Variants in EBF2 observed in about 807,000 individuals in gnomAD.
The protein encoded by EBF2 is EBF transcription factor 2, also known as transcription factor COE2.
EBF2 carries 21 observed loss-of-function variants against 72.8 expected under a neutral mutation model. The ratio of observed to expected loss-of-function variants is 0.29; its 90% CI spans 0.20 to 0.42. The LOEUF (loss-of-function observed/expected upper bound fraction) is 0.42, where lower values mean the gene tolerates loss of function less well. Ranked by LOEUF, EBF2 falls within the 10% of genes least tolerant of loss-of-function variation. The pLI, the probability that EBF2 is intolerant of heterozygous loss-of-function variation, is 1.00. For synonymous variants in EBF2, 299 were observed against 274.2 expected, an observed-to-expected ratio of 1.09 and a Z score of -0.89; for missense variants, 637 against 731.2, an observed-to-expected ratio of 0.87 and a Z score of 1.49.
chr8:25,988,195 A>G (rs533609596), intron 6 of EBF2, among the ~76,000 whole-genome samples: 93 of 152,272 alleles, frequency 6.1e-4, no homozygotes, highest in African/African-American at 2.1e-3. Context: ...CTCTTCACAC[A>G]GTTCTGAGAG....
chr8:25,947,705 C>G (rs540077842), intron 6 of EBF2, among the ~76,000 whole-genome samples: 1 of 152,340 alleles, frequency 6.6e-6, no homozygotes, highest in South Asian at 2.1e-4. Context: ...TTCTTTCTTG[C>G]ACATGCACAA....
chr8:26,028,154 A>G (rs1187318821), intron 6 of EBF2, among the ~76,000 whole-genome samples: 1 of 152,252 alleles, frequency 6.6e-6, no homozygotes, highest in Non-Finnish European at 1.5e-5. Flanking sequence ...TTTTTAAAAA[A>G]GAAAATGGTG....
At chr8:25,967,849 A>T (rs1469359989) in intron 6 of EBF2, among the ~76,000 whole-genome samples, 2 of 152,244 alleles carry the variant, frequency 1.3e-5, no homozygotes, top group Admixed American at 6.5e-5. Context: ...ACTCACACGT[A>T]AAACAAGGGT....
rs1313952654 is a variant in EBF2, at chr8:25,887,902, G to A, written c.822C>T (p.Ile274=). ...GGAGACCATCAAAGAAGTTGTCCCC[G>A]ATGATGATGACCATGGCTCCTCCTG... The part of the protein sequence containing the change: ...WTTGGAMVII[I]GDNFFDGLQV... The change falls in exon 9 of 16, where the codon ATC becomes ATT. Residue 274 remains isoleucine, a synonymous_variant. Coordinates refer to ENST00000520164, the MANE Select transcript of EBF2 (RefSeq NM_022659.4). 53 of 1,613,522 alleles carry A rather than the reference G, an allele frequency of 3.3e-5. No homozygotes were observed. Among genetic ancestry groups the A allele is most frequent in the Admixed American group, 8.3e-5 (5 of 59,930 alleles).
chr8:25,962,652 A>G (rs1804053123), intron 6 of EBF2, among the ~76,000 whole-genome samples: 1 of 152,212 alleles, frequency 6.6e-6, no homozygotes, highest in African/African-American at 2.4e-5. Context: ...TTAAACAAAG[A>G]CAGTCCAAGC....
At position 25,859,504 on chromosome 8, in the gene EBF2, A is replaced by G. The variant is rs115976590; in HGVS notation, c.1343-1000T>C. Among the ~76,000 whole-genome samples the G allele has an allele frequency of 8.7e-3, 1,330 of 152,284 alleles. 20 individuals are homozygous for G. Among genetic ancestry groups the G allele is most frequent in the African/African-American group, 0.03 (1,267 of 41,560 alleles). On this transcript the variant is annotated intron_variant, in intron 13 of 15. Transcript: ENST00000520164. ...GGACTTTGGGGCATCAGCAGTGAGC[A>G]TGGGGGACCCAGTCTATGCCTGGGA... is the stretch of plus-strand genomic sequence containing the variant.
At chr8:26,034,265 C>A (rs1267359869) in intron 5 of EBF2, among the ~76,000 whole-genome samples, 2 of 152,174 alleles carry the variant, frequency 1.3e-5, no homozygotes, top group African/African-American at 4.8e-5. Flanking sequence ...GAAAATGAAG[C>A]AAGGAGCTGT....
chr8:25,860,874 C>T (rs1444356823), intron 13 of EBF2, among the ~76,000 whole-genome samples, 175 bp downstream of exon 13: 3 of 152,120 alleles, frequency 2.0e-5, no homozygotes, highest in African/African-American at 2.4e-5. Context: ...ACCTAAGAAG[C>T]TCAAACTCTA....
chr8:25,909,813 A>G (rs1289479356), intron 6 of EBF2, among the ~76,000 whole-genome samples: 2 of 152,192 alleles, frequency 1.3e-5, no homozygotes, highest in East Asian at 3.8e-4. Flanking sequence ...TTTTCAGAGT[A>G]TTTTCTGTGT....
At chr8:26,029,377 A>C (rs756540924) in intron 6 of EBF2, among the ~76,000 whole-genome samples, 3 of 152,216 alleles carry the variant, frequency 2.0e-5, no homozygotes, top group Non-Finnish European at 4.4e-5. Flanking sequence ...CTGAGAGGAG[A>C]TGTTTTACCT....
intron 6 of EBF2, among the ~76,000 whole-genome samples, chr8:25,945,753 T>C (rs1018576014): frequency 3.3e-5 from 5 of 152,048 alleles, no homozygotes; most frequent in African/African-American, 1.2e-4. Flanking sequence ...AAGGTGGTTC[T>C]GATTCCAGCT....
intron 13 of EBF2, among the ~76,000 whole-genome samples, chr8:25,860,089 G>GA (rs1242761141): frequency 6.6e-6 from 1 of 151,958 alleles, no homozygotes; most frequent in Non-Finnish European, 1.5e-5. Flanking sequence ...AATAAAATTA[G>GA]AAAAAACTAT....
chr8:25,910,330 G>A (rs568119370), intron 6 of EBF2, among the ~76,000 whole-genome samples: 1 of 152,208 alleles, frequency 6.6e-6, no homozygotes, highest in South Asian at 2.1e-4. Context: ...CTGAACAATA[G>A]CCCCCGCTGC....
chr8:25,909,061 T>C (rs4871960), intron 6 of EBF2, among the ~76,000 whole-genome samples: 66,904 of 151,618 alleles, frequency 0.44, 16,327 homozygotes, highest in East Asian at 0.71. Flanking sequence ...ATATGTTATC[T>C]TCCAAAGACA....
chr8:25,963,792 T>C (rs996765053), intron 6 of EBF2, among the ~76,000 whole-genome samples: 1 of 152,192 alleles, frequency 6.6e-6, no homozygotes, highest in Non-Finnish European at 1.5e-5. Flanking sequence ...TTGAATGGAA[T>C]ATGTGGATTG....
At chr8:25,978,110 A>ACACTGGAAGCCCCAGAAACTATG (rs1204382027) in intron 6 of EBF2, among the ~76,000 whole-genome samples, 3 of 152,146 alleles carry the variant, frequency 2.0e-5, no homozygotes, top group Admixed American at 2.0e-4. Context: ...AACCCTCGTC[A>ACACTGGAAGCCCCAGAAACTATG]CACTGGAAGC....
intron 6 of EBF2, among the ~76,000 whole-genome samples, chr8:25,930,031 GTTC>G (rs1264469761): frequency 6.6e-6 from 1 of 152,198 alleles, no homozygotes; most frequent in Admixed American, 6.5e-5. Context: ...TTACTTCAAT[GTTC>G]TTTGAAAAAT....
At chr8:25,868,850 G>A (rs1453149676) in intron 10 of EBF2, among the ~76,000 whole-genome samples, 1 of 152,018 alleles carries the variant, frequency 6.6e-6, no homozygotes, top group African/African-American at 2.4e-5. Flanking sequence ...AATTATTTGA[G>A]GTGTTGAGTC....
intron 14 of EBF2, among the ~76,000 whole-genome samples, chr8:25,854,210 C>A (rs1802038578): frequency 6.9e-6 from 1 of 145,098 alleles, no homozygotes; most frequent in African/African-American, 2.6e-5. Flanking sequence ...ACAAAGTTGT[C>A]TATTACTCTA....
Sources: gnomAD v4.1 joint callset for allele counts (sites outside exome capture counted in the v4.1 genomes callset) on GRCh38, gnomAD v4.1.1 for gene constraint, MANE v1.5 for transcripts, NCBI Gene and HGNC (gene_info 2026-07-23, HGNC 2026-07-21) for gene names.